Variants in UFC1 observed in about 807,000 individuals in gnomAD.
UFC1 encodes the protein ubiquitin-fold modifier-conjugating enzyme 1.
A neutral mutation model predicts 28.0 loss-of-function variants in UFC1; 22 were observed. The ratio of observed to expected loss-of-function variants is 0.78; its 90% confidence interval spans 0.56 to 1.12. The LOEUF is 1.12. UFC1 is among the 50% of genes most tolerant of loss of function. UFC1 has a pLI of 0.00. For missense variants in UFC1, 189 were observed against 207.8 expected, an observed-to-expected ratio of 0.91 and a Z score of 0.56; for synonymous variants, 61 against 74.5, an observed-to-expected ratio of 0.82 and a Z score of 0.93.
At chr1:161,154,579 G>A (rs1450237526) in intron 1 of UFC1, among the ~76,000 whole-genome samples, 1 of 152,152 alleles carries the variant, frequency 6.6e-6, no homozygotes, top group African/African-American at 2.4e-5. Flanking sequence ...CCGACTCCCG[G>A]GTTCAAGCGA....
intron 1 of UFC1, 55 bp downstream of exon 1, chr1:161,154,175 T>G (rs1657441992): frequency 1.2e-6 from 2 of 1,604,408 alleles, no homozygotes; most frequent in Admixed American, 3.4e-5. Flanking sequence ...AGAAATCAGG[T>G]GTCCTCAATA....
At position 161,157,598 on chromosome 1, in the gene UFC1, G is replaced by T; in HGVS notation, c.256-19G>T. 1 of 1,605,572 alleles carries T rather than the reference G, an allele frequency of 6.2e-7. No individual in the cohort carries two copies. The highest frequency in any genetic ancestry group is 8.5e-7 in the Non-Finnish European group (1 of 1,172,658). ...TTCTATCCTGATTCTGTTTTATTAAGGTTTTATAATTTCTCCAGATTCCTA... is the reference window on the plus strand; with the variant it reads ...TTCTATCCTGATTCTGTTTTATTAATGTTTTATAATTTCTCCAGATTCCTA... On this transcript the variant is annotated intron_variant, in intron 3 of 5. Coordinates refer to ENST00000368003, the MANE Select transcript of UFC1 (RefSeq NM_016406.4).
intron 2 of UFC1, 72 bp downstream of exon 2, chr1:161,157,089 C>A: frequency 1.3e-6 from 2 of 1,532,638 alleles, no homozygotes; most frequent in Non-Finnish European, 1.8e-6. Context: ...TCCTAGCGCC[C>A]ACTACCAAAG....
Position 161,157,606 on chromosome 1 carries a change from A to G in UFC1, c.256-11A>G, listed in dbSNP as rs751572762. On this transcript the variant is annotated splice_polypyrimidine_tract_variant and intron_variant, in intron 3 of 5. Coordinates refer to ENST00000368003, the MANE Select transcript of UFC1 (RefSeq NM_016406.4). ...TGATTCTGTTTTATTAAGGTTTTAT[A>G]ATTTCTCCAGATTCCTATCACATAT... is the stretch of plus-strand genomic sequence containing the variant. 1 of 1,611,210 alleles carries G rather than the reference A, an allele frequency of 6.2e-7. No individual in the cohort carries two copies. The highest frequency in any genetic ancestry group is 1.3e-5 in the African/African-American group (1 of 74,790).
rs754305856 is a variant in UFC1 at position 161,158,393 on chromosome 1, G to C, written c.424-19G>C. ...GCATTGACTGGTAGTAATCTCACAG[G>C]ATTTTCCTTGTATTGCAGCTGGGTC... On this transcript the variant is annotated intron_variant, in intron 5 of 5. Coordinates refer to ENST00000368003, the MANE Select transcript of UFC1 (RefSeq NM_016406.4). 3 of 1,614,030 alleles carry C rather than the reference G, an allele frequency of 1.9e-6. No individual in the cohort carries two copies. The East Asian group carries it at 6.7e-5, about 36-fold the overall frequency.
chr1:161,157,902 A>G (rs1222972377), intron 4 of UFC1: 1 of 630,020 alleles, frequency 1.6e-6, no homozygotes, highest in African/African-American at 1.9e-5. Flanking sequence ...TAAAAGATGT[A>G]AGGAAAAAAA....
chr1:161,156,551 A>T (rs1002210661), intron 1 of UFC1, among the ~76,000 whole-genome samples: 1 of 146,264 alleles, frequency 6.8e-6, no homozygotes, highest in Non-Finnish European at 1.5e-5. Flanking sequence ...AAAAAAAAAA[A>T]AAAAAACCGG....
At chr1:161,155,337 G>A (rs1657478533) in intron 1 of UFC1, among the ~76,000 whole-genome samples, 1 of 152,236 alleles carries the variant, frequency 6.6e-6, no homozygotes, top group African/African-American at 2.4e-5. Flanking sequence ...ATAGAATCTA[G>A]AAACGGCACA....
At chr1:161,155,457 A>C (rs2101789031) in intron 1 of UFC1, among the ~76,000 whole-genome samples, 4 of 152,270 alleles carry the variant, frequency 2.6e-5, no homozygotes, top group Admixed American at 2.6e-4. Context: ...GAGCACTTGA[A>C]TTTTCTCTTG....
At position 161,156,906 on chromosome 1, in the gene UFC1, T is replaced by C. The variant is rs148546741; in HGVS notation, c.124-44T>C. On this transcript the variant is annotated intron_variant, in intron 1 of 5. Transcript: ENST00000368003. ...TCTTTTGAGGAGAGGGGGACTGCCC[T>C]TGGCCCCAACTACTCTCTCAAAGAC... The C allele has an allele frequency of 4.4e-4, 688 of 1,561,768 alleles. 1 individual carries two copies. Among genetic ancestry groups the C allele is most frequent in the Middle Eastern group, 8.5e-4 (5 of 5,910 alleles).
chr1:161,157,241 G>A lies in UFC1; in HGVS notation c.192-13G>A, dbSNP rs1220590420. ...AATAGGCAAATTGGACTGAGGTTTG[G>A]TCTTTGTTACAGGTGGTTTGGAAAA... On this transcript the variant is annotated splice_polypyrimidine_tract_variant and intron_variant, in intron 2 of 5. Transcript: ENST00000368003. 6.2e-7 allele frequency: 1 copy of A among 1,614,214 alleles called. No individual in the cohort carries two copies. The highest frequency in any genetic ancestry group is 8.5e-7 in the Non-Finnish European group (1 of 1,180,042).
Position 161,154,086 on chromosome 1 carries a change from A to G in UFC1, c.89A>G (p.Gln30Arg), listed in dbSNP as rs1320894869. The change falls in exon 1 of 6, where the codon CAG (glutamine) becomes CGG (arginine). Residue 30 changes from glutamine (Q) to arginine (R), a missense_variant. Physicochemically the swap from Gln to Arg is conservative, Grantham distance 43 (BLOSUM62 1). Coordinates refer to ENST00000368003, the MANE Select transcript of UFC1 (RefSeq NM_016406.4). Reference sequence around the variant, plus strand: ...CCCCGAGATCGTGAGTTGTGGGTGCAGCGACTGAAGGAGGAATATCAGTCC... The same window carrying G: ...CCCCGAGATCGTGAGTTGTGGGTGCGGCGACTGAAGGAGGAATATCAGTCC... ...AGPRDRELWV[Q>R]RLKEEYQSLI... 2.5e-6 allele frequency: 4 copies of G among 1,614,028 alleles called. No homozygotes were observed. In the East Asian group the frequency reaches 6.7e-5, roughly 27 times the overall value.
At chr1:161,154,985 T>C (rs1037189093) in intron 1 of UFC1, among the ~76,000 whole-genome samples, 1 of 151,906 alleles carries the variant, frequency 6.6e-6, no homozygotes, top group African/African-American at 2.4e-5. Flanking sequence ...TCCTACCTCA[T>C]GTATTCATTC....
rs765167891 is a variant in UFC1 at position 161,157,242 on chromosome 1, T to C, written c.192-12T>C. On this transcript the variant is annotated splice_polypyrimidine_tract_variant and intron_variant, in intron 2 of 5. Coordinates refer to ENST00000368003, the MANE Select transcript of UFC1 (RefSeq NM_016406.4). ...ATAGGCAAATTGGACTGAGGTTTGG[T>C]CTTTGTTACAGGTGGTTTGGAAAAT... 1 of 1,614,200 alleles carries C rather than the reference T, an allele frequency of 6.2e-7. No individual in the cohort carries two copies. Among genetic ancestry groups the C allele is most frequent in the Non-Finnish European group, 8.5e-7 (1 of 1,180,038 alleles).
intron 3 of UFC1, 87 bp from the exon 4 acceptor site, chr1:161,157,530 C>A: frequency 7.1e-7 from 1 of 1,406,956 alleles, no homozygotes; most frequent in Non-Finnish European, 9.9e-7. Context: ...CTTAACATTT[C>A]AGTTTAACCA....
chr1:161,156,850 A>AC, intron 1 of UFC1, 100 bp from the exon 2 acceptor site: 1 of 1,098,440 alleles, frequency 9.1e-7, no homozygotes, highest in South Asian at 1.5e-5. Flanking sequence ...CTCAATAAAA[A>AC]TAAAAAATAA....
chr1:161,157,851 A>G (rs774313051), intron 4 of UFC1, 158 bp downstream of exon 4: 5 of 676,218 alleles, frequency 7.4e-6, no homozygotes, highest in Non-Finnish European at 1.3e-5. Context: ...ACGTTTACCT[A>G]TGTAACAAAC....
intron 4 of UFC1, 62 bp from the exon 5 acceptor site, chr1:161,158,059 G>T: frequency 7.1e-7 from 1 of 1,408,504 alleles, no homozygotes; most frequent in Non-Finnish European, 1.0e-6. Context: ...ATGCCCCCAA[G>T]AGGCTGCTGT....
Position 161,158,418 on chromosome 1 carries a change from C to T in UFC1, c.430C>T (p.Pro144Ser), listed in dbSNP as rs757612069. Residue 144 changes from proline (P) to serine (S), a missense_variant, in exon 6 of 6, where the codon CCA becomes TCA. Physicochemically the swap from Pro to Ser is moderately conservative, Grantham distance 74. Coordinates refer to ENST00000368003, the MANE Select transcript of UFC1 (RefSeq NM_016406.4). ...LAHLMALGLG[P>S]WLAVEIPDLI... The stretch of plus-strand genomic sequence containing the variant: ...GATTTTCCTTGTATTGCAGCTGGGT[C>T]CATGGCTGGCAGTGGAAATCCCTGA... 6.2e-7 allele frequency: 1 copy of T among 1,614,178 alleles called. No individual in the cohort carries two copies. The highest frequency in any genetic ancestry group is 8.5e-7 in the Non-Finnish European group (1 of 1,180,038).
Sources: allele counts gnomAD v4.1 joint callset (sites outside exome capture counted in the v4.1 genomes callset), GRCh38; gene constraint gnomAD v4.1.1; transcripts MANE v1.5; gene names NCBI Gene and HGNC (gene_info 2026-07-23, HGNC 2026-07-21).